Variants in ZNF678 observed in about 807,000 individuals in gnomAD.
ZNF678 encodes zinc finger protein 678, also known as hypothetical protein MGC42493.
ZNF678 carries 5 observed loss-of-function variants against 3.0 expected under a neutral mutation model. That is an observed-to-expected ratio of 1.69 (90% CI 0.88 to 3.56). ZNF678 has a LOEUF of 3.56. ZNF678 is among the 30% of genes most tolerant of loss of function. ZNF678 has a pLI of 0.00. For missense variants in ZNF678, 593 were observed against 605.0 expected (o/e 0.98, Z 0.21); for synonymous variants, 218 against 199.6 (o/e 1.09, Z -0.78).
chr1:227,660,796 G>C lies in ZNF678; in HGVS notation c.*4968G>C, dbSNP rs1466049788. On this transcript the variant is annotated 3_prime_UTR_variant, in exon 4 of 4. Transcript: ENST00000343776. ...CCTTACTATAACTCTTAGAAAAAAG[G>C]CTTACAACTTTTGAAGGTTTAGCAT... 1 of 152,076 alleles carries C rather than the reference G, an allele frequency of 6.6e-6. No individual in the cohort carries two copies. The highest frequency in any genetic ancestry group is 1.5e-5 in the Non-Finnish European group (1 of 68,002). The allele number at this position is 152,076 out of a possible 1,614,324, so 9.4% of individuals were successfully genotyped here.
chr1:227,646,499 C>T, intron 1 of ZNF678, 45 bp from the exon 2 acceptor site: 1 of 1,351,028 alleles, frequency 7.4e-7, no homozygotes, highest in South Asian at 1.1e-5. Flanking sequence ...AGAACTCTGC[C>T]CATGGCACAT....
At chr1:227,625,719 C>G (rs1028415065) in intron 1 of ZNF678, among the ~76,000 whole-genome samples, 21 of 152,020 alleles carry the variant, frequency 1.4e-4, no homozygotes, top group Admixed American at 2.6e-4. Context: ...TTTGAGAGGT[C>G]TAGTCCTTTG....
intron 1 of ZNF678, among the ~76,000 whole-genome samples, chr1:227,612,076 A>G (rs895385452): frequency 1.3e-5 from 2 of 152,178 alleles, no homozygotes; most frequent in African/African-American, 4.8e-5. Flanking sequence ...CAACAGCTGG[A>G]AAGCTATTGC....
At chr1:227,585,983 C>T (rs528773009) in intron 1 of ZNF678, among the ~76,000 whole-genome samples, 1 of 152,208 alleles carries the variant, frequency 6.6e-6, no homozygotes, top group African/African-American at 2.4e-5. Context: ...AATTTGATTT[C>T]CAGATTTACT....
intron 1 of ZNF678, among the ~76,000 whole-genome samples, chr1:227,630,885 C>G (rs527471136): frequency 3.9e-5 from 6 of 152,136 alleles, no homozygotes; most frequent in Admixed American, 2.6e-4. Context: ...TGAGTTGTCT[C>G]TTAATGAAAA....
At chr1:227,584,347 C>T (rs1237127117) in intron 1 of ZNF678, among the ~76,000 whole-genome samples, 1 of 152,024 alleles carries the variant, frequency 6.6e-6, no homozygotes, top group Non-Finnish European at 1.5e-5. Context: ...TTAAACGAAC[C>T]GTTTATCCAC....
intron 1 of ZNF678, among the ~76,000 whole-genome samples, chr1:227,589,660 T>C (rs1571868920): frequency 6.6e-6 from 1 of 151,756 alleles, no homozygotes; most frequent in East Asian, 1.9e-4. Flanking sequence ...GGTGCATGAC[T>C]GGGGACTGCA....
chr1:227,620,492 T>C (rs1273124454), intron 1 of ZNF678, among the ~76,000 whole-genome samples: 2 of 152,210 alleles, frequency 1.3e-5, no homozygotes, highest in African/African-American at 4.8e-5. Context: ...TGTTTTATTA[T>C]GACAATATTA....
chr1:227,669,419 G>A (rs961142377), intron 5 of ZNF678, among the ~76,000 whole-genome samples: 10 of 151,904 alleles, frequency 6.6e-5, no homozygotes, highest in Non-Finnish European at 1.2e-4. Context: ...GGTGGATCAC[G>A]AGGTCAGGAG....
Position 227,654,925 on chromosome 1 carries a change from A to G in ZNF678, c.675A>G (p.Thr225=). Residue 225 remains threonine, a synonymous_variant, in exon 4 of 4, where the codon ACA becomes ACG. Coordinates refer to ENST00000343776, the MANE Select transcript of ZNF678 (RefSeq NM_001367909.1). ...GKAFTQFSNL[T]QHKRIHTGEK... is the part of the protein sequence containing the mutation. ...CCTTTACCCAGTTCTCAAACCTTACACAACATAAGAGAATTCATACTGGAG... is the reference window on the plus strand; with the variant it reads ...CCTTTACCCAGTTCTCAAACCTTACGCAACATAAGAGAATTCATACTGGAG... 1.2e-6 allele frequency: 2 copies of G among 1,609,250 alleles called. No individual in the cohort carries two copies. Among genetic ancestry groups the G allele is most frequent in the Non-Finnish European group, 8.5e-7 (1 of 1,178,332 alleles).
At chr1:227,609,856 C>G (rs992080745) in intron 1 of ZNF678, among the ~76,000 whole-genome samples, 1 of 152,032 alleles carries the variant, frequency 6.6e-6, no homozygotes, top group African/African-American at 2.4e-5. Flanking sequence ...GCCTCAGCCT[C>G]CTGAGTAGCT....
In ZNF678 at chr1:227,646,437, C is replaced by T. The variant is rs1460750904; in HGVS notation, c.-163-107C>T. 7 of 1,080,784 alleles carry T rather than the reference C, an allele frequency of 6.5e-6. No individual in the cohort carries two copies. The East Asian group carries it at 4.1e-4, about 64-fold the overall frequency. The allele number at this position is 1,080,784 out of a possible 1,614,324, so 66.9% of individuals were successfully genotyped here. A position where few individuals can be genotyped will look rare whatever the true frequency, so the allele number is the denominator to read the frequency against. On this transcript the variant is annotated intron_variant, in intron 1 of 3. Coordinates refer to ENST00000343776, the MANE Select transcript of ZNF678 (RefSeq NM_001367909.1). ...GTGTTTTAAACAATGTCTTACTGGA[C>T]AGTTTCTGCCAGAACAAGTTCACTT...
At chr1:227,671,029 G>A (rs1436004062) in intron 5 of ZNF678, among the ~76,000 whole-genome samples, 1 of 147,338 alleles carries the variant, frequency 6.8e-6, no homozygotes, top group Non-Finnish European at 1.5e-5. Context: ...TACTGGGCTT[G>A]GGAGGCTCCA....
chr1:227,666,647 G>GGATA (rs1472510071), downstream of ZNF678, among the ~76,000 whole-genome samples: 1 of 151,994 alleles, frequency 6.6e-6, no homozygotes, highest in East Asian at 1.9e-4. Context: ...GTTCGACAGG[G>GGATA]GATATCCTGC....
chr1:227,579,861 C>T (rs1657081925), intron 1 of ZNF678, among the ~76,000 whole-genome samples: 1 of 152,330 alleles, frequency 6.6e-6, no homozygotes, highest in Admixed American at 6.5e-5. Context: ...AAGTCTCCTA[C>T]TGGAGCAAGT....
intron 1 of ZNF678, among the ~76,000 whole-genome samples, chr1:227,575,844 A>C (rs1656974778): frequency 6.6e-6 from 1 of 152,058 alleles, no homozygotes; most frequent in Non-Finnish European, 1.5e-5. Context: ...GAATGCTTCA[A>C]GCTTTTGCCC....
intron 5 of ZNF678, among the ~76,000 whole-genome samples, chr1:227,671,473 A>G (rs1659601750): frequency 1.3e-5 from 2 of 152,014 alleles, no homozygotes; most frequent in East Asian, 1.9e-4. Flanking sequence ...TTTCATGCCC[A>G]GTGTAGTATG....
At chr1:227,609,980 G>A (rs536683072) in intron 1 of ZNF678, among the ~76,000 whole-genome samples, 17 of 152,132 alleles carry the variant, frequency 1.1e-4, no homozygotes, top group South Asian at 4.1e-4. Context: ...TGATCTGCCC[G>A]CCTCCGCTTC....
chr1:227,640,613 G>A (rs1280277953), intron 1 of ZNF678, among the ~76,000 whole-genome samples: 1 of 152,208 alleles, frequency 6.6e-6, no homozygotes, highest in Non-Finnish European at 1.5e-5. Context: ...GCTTATGTCA[G>A]TTAAAATTGT....
Sources: gnomAD v4.1 joint callset for allele counts (sites outside exome capture counted in the v4.1 genomes callset) on GRCh38, gnomAD v4.1.1 for gene constraint, MANE v1.5 for transcripts, NCBI Gene and HGNC (gene_info 2026-07-23, HGNC 2026-07-21) for gene names.